Variants in SIL1 observed in about 807,000 individuals in gnomAD.
The protein encoded by SIL1 is SIL1 nucleotide exchange factor, also known as nucleotide exchange factor SIL1.
Under a neutral mutation model 49.1 loss-of-function variants are expected in SIL1, and 40 were observed. The observed-to-expected ratio is 0.81, with a 90% CI of 0.63 to 1.06. The LOEUF is 1.06. Among genes scored for constraint, SIL1 ranks in the 50% least tolerant of loss-of-function variants. The probability of loss-of-function intolerance (pLI) is 0.00; values close to 1 mark genes in which losing one functional copy is unlikely to be tolerated. For missense variants in SIL1, 500 were observed against 572.6 expected (o/e 0.87, Z 1.29); for synonymous variants, 253 against 250.8 (o/e 1.01, Z -0.08).
intron 7 of SIL1, among the ~76,000 whole-genome samples, chr5:138,983,511 A>G (rs1228685103): frequency 6.6e-6 from 1 of 151,686 alleles, no homozygotes; most frequent in Non-Finnish European, 1.5e-5. Context: ...TTGTCTCGAA[A>G]AAAAAAAAAG....
intron 3 of SIL1, among the ~76,000 whole-genome samples, chr5:139,062,901 G>A (rs1371216938): frequency 1.3e-5 from 2 of 152,222 alleles, no homozygotes; most frequent in Non-Finnish European, 2.9e-5. Context: ...GCTGTGTTGG[G>A]CACTGGGAAG....
At chr5:138,974,046 G>A (rs1243501379) in intron 7 of SIL1, among the ~76,000 whole-genome samples, 1 of 152,018 alleles carries the variant, frequency 6.6e-6, no homozygotes, top group Non-Finnish European at 1.5e-5. Context: ...AGGTCTCTCC[G>A]TGCACCCCTT....
At chr5:139,035,403 A>G in intron 5 of SIL1, 1 of 539,484 alleles carries the variant, frequency 1.9e-6, no homozygotes, top group Non-Finnish European at 3.7e-6. Flanking sequence ...GGCTTTGACG[A>G]TCAGGGCAGA....
chr5:139,057,314 T>TA lies in SIL1; in HGVS notation c.245-6269dup, dbSNP rs67544778. 8.7e-3 allele frequency among the ~76,000 whole-genome samples: 639 copies of TA among 73,310 alleles called. 55 individuals are homozygous for TA. Among genetic ancestry groups the TA allele is most frequent in the African/African-American group, 0.024 (391 of 16,566 alleles). The allele number at this position is 73,310 out of a possible 152,430, so 48.1% of individuals were successfully genotyped here. A position where few individuals can be genotyped will look rare whatever the true frequency, so the allele number is the denominator to read the frequency against. On this transcript the variant is annotated intron_variant, in intron 3 of 9. Coordinates refer to ENST00000394817, the MANE Select transcript of SIL1 (RefSeq NM_022464.5). ...GCGAGAAACACCCAAGAATGATCAA[T>TA]AAAAAAAAAAAAAAGAAAAGAAAAG...
At chr5:138,968,695 G>C (rs1397835138) in intron 7 of SIL1, among the ~76,000 whole-genome samples, 1 of 152,096 alleles carries the variant, frequency 6.6e-6, no homozygotes, top group Non-Finnish European at 1.5e-5. Context: ...GTGCCTTGTT[G>C]TCTGTTCAAC....
At chr5:139,130,769 A>G (rs369827257) in intron 1 of SIL1, among the ~76,000 whole-genome samples, 1 of 152,242 alleles carries the variant, frequency 6.6e-6, no homozygotes, top group Non-Finnish European at 1.5e-5. Context: ...TGGTATATAC[A>G]TACAATGGAA....
intron 2 of SIL1, among the ~76,000 whole-genome samples, chr5:139,122,926 A>T (rs1168079237): frequency 6.6e-6 from 1 of 152,184 alleles, no homozygotes; most frequent in Non-Finnish European, 1.5e-5. Context: ...CTCAAATCCC[A>T]GTTTCTTGTG....
intron 7 of SIL1, among the ~76,000 whole-genome samples, chr5:139,010,970 T>G (rs1465093103): frequency 6.1e-5 from 9 of 148,242 alleles, no homozygotes; most frequent in African/African-American, 1.2e-4. Flanking sequence ...GCAGGCCTCC[T>G]TGAGCTGTGG....
chr5:139,080,966 T>C (rs1273883998), intron 3 of SIL1, among the ~76,000 whole-genome samples: 1 of 152,252 alleles, frequency 6.6e-6, no homozygotes, highest in Non-Finnish European at 1.5e-5. Context: ...CTTCCATATA[T>C]GTGTATTTCA....
chr5:139,024,645 A>G (rs889770555), intron 6 of SIL1, among the ~76,000 whole-genome samples: 2 of 152,220 alleles, frequency 1.3e-5, no homozygotes, highest in African/African-American at 4.8e-5. Flanking sequence ...CTCCTGGGCC[A>G]CTGTTGCCCC....
At chr5:139,117,980 GAGCCTAA>G (rs1477483296) in intron 3 of SIL1, among the ~76,000 whole-genome samples, 7 of 152,136 alleles carry the variant, frequency 4.6e-5, no homozygotes, top group African/African-American at 7.2e-5. Flanking sequence ...CCCCTCTTGG[GAGCCTAA>G]GGACAACACA....
At chr5:138,976,728 T>C (rs1378671440) in intron 7 of SIL1, among the ~76,000 whole-genome samples, 1 of 152,130 alleles carries the variant, frequency 6.6e-6, no homozygotes, top group Non-Finnish European at 1.5e-5. Flanking sequence ...CTATAACTGA[T>C]CTATGTCCTT....
chr5:139,056,488 C>T (rs1483775874), intron 3 of SIL1, among the ~76,000 whole-genome samples: 22 of 150,162 alleles, frequency 1.5e-4, no homozygotes, highest in African/African-American at 2.9e-4. Flanking sequence ...CCACCCCGTC[C>T]GGGAGGGAGG....
chr5:139,174,937 C>CA (rs56959325), intron 1 of SIL1, among the ~76,000 whole-genome samples: 1,080 of 58,944 alleles, frequency 0.018, 8 homozygotes, highest in African/African-American at 0.026. Flanking sequence ...GACTGTGTCT[C>CA]AAAAAAAAAA....
chr5:139,002,367 G>A (rs1171556274), intron 7 of SIL1, among the ~76,000 whole-genome samples: 1 of 152,050 alleles, frequency 6.6e-6, no homozygotes, highest in Non-Finnish European at 1.5e-5. Context: ...GCAAATTTTA[G>A]TTTATTAAAT....
chr5:139,032,035 C>T (rs1171871378), intron 5 of SIL1, among the ~76,000 whole-genome samples: 2 of 152,124 alleles, frequency 1.3e-5, no homozygotes, highest in African/African-American at 4.8e-5. Context: ...GGGAGTTATA[C>T]ATGGACAACT....
rs781049621 is a variant in SIL1, at chr5:139,057,314, T to TTAAAAAAAAAAAAA, written c.245-6269_245-6268insTTTTTTTTTTTTTA. Among the ~76,000 whole-genome samples, 317 of 73,158 alleles carry TTAAAAAAAAAAAAA rather than the reference T, an allele frequency of 4.3e-3. 24 individuals are homozygous for TTAAAAAAAAAAAAA. The highest frequency in any genetic ancestry group is 8.2e-3 in the African/African-American group (136 of 16,488). The allele number at this position is 73,158 out of a possible 152,430, so 48.0% of individuals were successfully genotyped here. On this transcript the variant is annotated intron_variant, in intron 3 of 9. Coordinates refer to ENST00000394817, the MANE Select transcript of SIL1 (RefSeq NM_022464.5). ...GCGAGAAACACCCAAGAATGATCAA[T>TTAAAAAAAAAAAAA]AAAAAAAAAAAAAAGAAAAGAAAAG...
chr5:139,134,771 G>A (rs750671186), intron 1 of SIL1, among the ~76,000 whole-genome samples: 4 of 152,216 alleles, frequency 2.6e-5, no homozygotes, highest in Admixed American at 6.5e-5. Context: ...ACTGCCAGCT[G>A]CAGGAACAGC....
At chr5:139,058,729 A>T (rs1769515270) in intron 3 of SIL1, among the ~76,000 whole-genome samples, 1 of 152,154 alleles carries the variant, frequency 6.6e-6, no homozygotes, top group South Asian at 2.1e-4. Flanking sequence ...TTTTCTTTTT[A>T]AAAGTATTTC....
Sources: allele counts gnomAD v4.1 joint callset (sites outside exome capture counted in the v4.1 genomes callset), GRCh38; gene constraint gnomAD v4.1.1; transcripts MANE v1.5; gene names NCBI Gene and HGNC (gene_info 2026-07-23, HGNC 2026-07-21).